Variants in LOC128462377 observed in about 807,000 individuals in gnomAD.
chr16:89,354,751 G>A, the LOC128462377 span, among the ~76,000 whole-genome samples: 3 of 152,052 alleles, frequency 2.0e-5, no homozygotes, highest in South Asian at 2.1e-4. Flanking sequence ...GCATGGTGGC[G>A]AGCACCTGTA....
the LOC128462377 span, among the ~76,000 whole-genome samples, chr16:89,355,805 G>A: frequency 3.9e-5 from 6 of 152,180 alleles, no homozygotes; most frequent in East Asian, 9.6e-4. Flanking sequence ...CTGCCACGGC[G>A]GTTCACGGCA....
the LOC128462377 span, among the ~76,000 whole-genome samples, chr16:89,407,670 CACACACACACACACATAG>C: frequency 1.3e-5 from 2 of 151,396 alleles, no homozygotes; most frequent in Non-Finnish European, 2.9e-5. Context: ...AACACACATA[CACACACACACACACATAG>C]ACACACACAG....
chr16:89,363,071 A>T, the LOC128462377 span, among the ~76,000 whole-genome samples: 2 of 152,112 alleles, frequency 1.3e-5, no homozygotes, highest in Non-Finnish European at 2.9e-5. Context: ...GGTATAAAAA[A>T]TGGCCTTGCT....
the LOC128462377 span, among the ~76,000 whole-genome samples, chr16:89,340,613 AG>A: frequency 6.6e-6 from 1 of 152,238 alleles, no homozygotes; most frequent in African/African-American, 2.4e-5. Flanking sequence ...TGGTTAGACA[AG>A]GGGAAACAGT....
chr16:89,343,628 A>G, the LOC128462377 span: 1 of 152,256 alleles, frequency 6.6e-6, no homozygotes, highest in Admixed American at 6.5e-5. Context: ...GTCAGAAAAC[A>G]CAAGGCAGCA....
the LOC128462377 span, among the ~76,000 whole-genome samples, chr16:89,382,079 C>T: frequency 3.3e-5 from 5 of 152,208 alleles, no homozygotes; most frequent in Non-Finnish European, 7.3e-5. Context: ...GAATGGGGCC[C>T]AGGCAGGCGC....
the LOC128462377 span, among the ~76,000 whole-genome samples, chr16:89,350,028 A>G: frequency 6.6e-6 from 1 of 152,208 alleles, no homozygotes; most frequent in Non-Finnish European, 1.5e-5. Context: ...ATGAAAGTGA[A>G]GACACATGCT....
the LOC128462377 span, chr16:89,317,219 G>T: frequency 1.5e-6 from 1 of 687,038 alleles, no homozygotes; most frequent in Non-Finnish European, 2.6e-6. Flanking sequence ...GCCAGGCCCA[G>T]GAAGGGACTT....
chr16:89,334,209 C>T, the LOC128462377 span, among the ~76,000 whole-genome samples: 5 of 149,416 alleles, frequency 3.3e-5, no homozygotes, highest in African/African-American at 1.3e-4. Context: ...AACACTGTTC[C>T]CAAGCTGCGG....
At chr16:89,352,778 G>C in the LOC128462377 span, among the ~76,000 whole-genome samples, 3 of 152,190 alleles carry the variant, frequency 2.0e-5, no homozygotes, top group Admixed American at 2.0e-4. Flanking sequence ...TCTTGAGTGC[G>C]TTTCCTATGT....
chr16:89,371,057 G>T, the LOC128462377 span, among the ~76,000 whole-genome samples: 5 of 152,280 alleles, frequency 3.3e-5, no homozygotes, highest in African/African-American at 9.6e-5. Flanking sequence ...ATGACGAAGG[G>T]GACTTGTTCA....
At chr16:89,359,895 T>G in the LOC128462377 span, among the ~76,000 whole-genome samples, 2 of 152,164 alleles carry the variant, frequency 1.3e-5, no homozygotes. Context: ...ACATAGTTTA[T>G]ATGTTTTTTA....
At chr16:89,366,550 G>A in the LOC128462377 span, among the ~76,000 whole-genome samples, 1 of 152,192 alleles carries the variant, frequency 6.6e-6, no homozygotes, top group African/African-American at 2.4e-5. Flanking sequence ...GTCTCGCTGT[G>A]AGAAACCCAG....
At chr16:89,371,361 C>T in the LOC128462377 span, among the ~76,000 whole-genome samples, 1 of 152,196 alleles carries the variant, frequency 6.6e-6, no homozygotes, top group Non-Finnish European at 1.5e-5. Flanking sequence ...TCCATTCTAC[C>T]ATTTGGTGTC....
At chr16:89,349,498 C>T in the LOC128462377 span, among the ~76,000 whole-genome samples, 4 of 152,118 alleles carry the variant, frequency 2.6e-5, no homozygotes, top group South Asian at 8.3e-4. Flanking sequence ...CAAAAATAGA[C>T]CCACATAAAT....
the LOC128462377 span, among the ~76,000 whole-genome samples, chr16:89,411,188 G>A: frequency 2.0e-4 from 30 of 152,248 alleles, no homozygotes; most frequent in African/African-American, 6.5e-4. Flanking sequence ...ACGCCTCCAT[G>A]ACGGTGCCCT....
the LOC128462377 span, among the ~76,000 whole-genome samples, chr16:89,382,763 A>G: frequency 6.6e-6 from 1 of 152,190 alleles, no homozygotes; most frequent in African/African-American, 2.4e-5. Flanking sequence ...TATAGGTGTG[A>G]GTCAACTGTG....
At chr16:89,335,606 G>C in the LOC128462377 span, among the ~76,000 whole-genome samples, 1 of 152,136 alleles carries the variant, frequency 6.6e-6, no homozygotes, top group Non-Finnish European at 1.5e-5. Context: ...GGGAACCTTT[G>C]GTTTGCAAAG....
the LOC128462377 span, among the ~76,000 whole-genome samples, chr16:89,364,933 T>C: frequency 6.6e-6 from 1 of 152,342 alleles, no homozygotes. Context: ...GATCATTTCT[T>C]ACAAAGCCAA....
Sources: gnomAD v4.1 joint callset for allele counts (sites outside exome capture counted in the v4.1 genomes callset) on GRCh38, gnomAD v4.1.1 for gene constraint, MANE v1.5 for transcripts.